The following MFN2 variants were observed in gnomAD, a reference collection of about 807,000 sequenced individuals.
MFN2 encodes the protein mitofusin-2.
In MFN2, 43 loss-of-function variants were observed where a neutral mutation model predicts 87.5. The ratio of observed to expected loss-of-function variants is 0.49; its 90% CI spans 0.38 to 0.63. The LOEUF is 0.63. MFN2 is among the 30% of genes least tolerant of loss of function. The pLI is 0.00. For synonymous variants in MFN2, 337 were observed against 359.9 expected (o/e 0.94, Z 0.72); for missense variants, 743 against 972.8 (o/e 0.76, Z 3.14).
At chr1:11,982,155 T>G (rs1327533232) in intron 2 of MFN2, 41 bp downstream of exon 2, 2 of 152,258 alleles carry the variant, frequency 1.3e-5, no homozygotes, top group African/African-American at 4.8e-5. Flanking sequence ...GGATTTGAGC[T>G]GAGTGGACAG....
Position 12,006,974 on chromosome 1 carries a change from A to G in MFN2, c.1873-79A>G, listed in dbSNP as rs764921080. 360 of 1,558,206 alleles carry G rather than the reference A, an allele frequency of 2.3e-4. No individual in the cohort carries two copies. The highest frequency in any genetic ancestry group is 2.8e-4 in the Non-Finnish European group (313 of 1,131,840). On this transcript the variant is annotated intron_variant, in intron 16 of 18. Transcript: ENST00000235329. ...AGGCTCCTTGGCTGGGGCCCTTCAGATGGCCCTGGTAGTGATGGGCCCCAG... is the reference window on the plus strand; with the variant it reads ...AGGCTCCTTGGCTGGGGCCCTTCAGGTGGCCCTGGTAGTGATGGGCCCCAG...
chr1:11,998,856 C>G lies in MFN2; in HGVS notation c.686C>G (p.Ser229Ter). 2 of 1,614,216 alleles carry G rather than the reference C, an allele frequency of 1.2e-6. No individual in the cohort carries two copies. Among genetic ancestry groups the G allele is most frequent in the Non-Finnish European group, 1.7e-6 (2 of 1,180,038 alleles). ...DADVFVLVAN[S>*]ESTLMQTEKH... ...GATGTGTTTGTGCTGGTGGCCAACTCAGAGTCCACCCTGATGCAGACGGTA... is the reference window on the plus strand; with the variant it reads ...GATGTGTTTGTGCTGGTGGCCAACTGAGAGTCCACCCTGATGCAGACGGTA... Residue 229 changes from serine to a stop codon, truncating the protein, a stop_gained, in exon 7 of 19, where the codon TCA becomes TGA. Coordinates refer to ENST00000235329, the MANE Select transcript of MFN2 (RefSeq NM_014874.4). LOFTEE classifies it high-confidence loss of function.
In MFN2 at chr1:12,012,915, C is replaced by T. The variant is rs1195467205; in HGVS notation, c.*1350C>T. 2 of 154,588 alleles carry T rather than the reference C, an allele frequency of 1.3e-5. No homozygotes were observed. The highest frequency in any genetic ancestry group is 4.8e-5 in the African/African-American group (2 of 41,492). The allele number at this position is 154,588 out of a possible 1,614,324, so 9.6% of individuals were successfully genotyped here. A position where few individuals can be genotyped will look rare whatever the true frequency, so the allele number is the denominator to read the frequency against. On this transcript the variant is annotated 3_prime_UTR_variant, in exon 19 of 19. Transcript: ENST00000235329. ...AAAAGCAGCCCACAAGGCAGGGGCC[C>T]AGCAGCCCAGCCATCACTCATCTTT...
chr1:12,001,109 C>G (rs1639150206), intron 8 of MFN2, among the ~76,000 whole-genome samples: 2 of 152,146 alleles, frequency 1.3e-5, no homozygotes, highest in Admixed American at 1.3e-4. Flanking sequence ...CCTCCAGGTT[C>G]AAGTGATTCT....
Position 12,011,641 on chromosome 1 carries a change from G to A in MFN2, c.*76G>A. On this transcript the variant is annotated 3_prime_UTR_variant, in exon 19 of 19. Coordinates refer to ENST00000235329, the MANE Select transcript of MFN2 (RefSeq NM_014874.4). ...AAGTGCCATGTGGGCTCCCCCAGGGGCACGTGTGGCTCCTGCCCCCTGGCC... is the reference window on the plus strand; with the variant it reads ...AAGTGCCATGTGGGCTCCCCCAGGGACACGTGTGGCTCCTGCCCCCTGGCC... 6.7e-7 allele frequency: 1 copy of A among 1,498,454 alleles called. No individual in the cohort carries two copies. The highest frequency in any genetic ancestry group is 1.1e-5 in the South Asian group (1 of 88,680). The allele number at this position is 1,498,454 out of a possible 1,614,324, so 92.8% of individuals were successfully genotyped here.
rs756517155 is a variant in MFN2, at chr1:12,006,692, TGGTCAGTGACCA to T, written c.1872+1_1872+12del. ...ATGGGCATTCTTGTTGTTGGAGGAG[TGGTCAGTGACCA>T]GTTCTGCTCGGGAAGGTGGGGGCGG... On this transcript the variant is annotated splice_donor_variant and splice_donor_5th_base_variant and coding_sequence_variant and intron_variant, in exon 16 of 19. Transcript: ENST00000235329. LOFTEE classifies it high-confidence loss of function. The T allele has an allele frequency of 6.2e-7, 1 of 1,609,578 alleles. No homozygotes were observed. The highest frequency in any genetic ancestry group is 8.5e-7 in the Non-Finnish European group (1 of 1,178,226).
chr1:12,011,746 C>T lies in MFN2; in HGVS notation c.*181C>T. ...ACTTATTTTCCCCCACCTTTGCCTG[C>T]TGTTGCTGGAAGAGCTGGCTCATAC... On this transcript the variant is annotated 3_prime_UTR_variant, in exon 19 of 19. Coordinates refer to ENST00000235329, the MANE Select transcript of MFN2 (RefSeq NM_014874.4). 2 of 660,254 alleles carry T rather than the reference C, an allele frequency of 3.0e-6. No homozygotes were observed. Among genetic ancestry groups the T allele is most frequent in the Non-Finnish European group, 5.3e-6 (2 of 376,846 alleles). 40.9% of individuals were successfully genotyped at this position (660,254 alleles called of 1,614,324 possible). A position where few individuals can be genotyped will look rare whatever the true frequency, so the allele number is the denominator to read the frequency against.
chr1:12,006,389 A>G, intron 15 of MFN2, 149 bp from the exon 16 acceptor site: 2 of 1,062,772 alleles, frequency 1.9e-6, no homozygotes, highest in Admixed American at 4.1e-5. Context: ...CTCCTCTGCT[A>G]CATCTGAAGC....
Position 12,011,518 on chromosome 1 carries a change from A to G in MFN2, c.2227A>G (p.Ser743Gly), listed in dbSNP as rs1553146561. The G allele has an allele frequency of 6.2e-7, 1 of 1,614,198 alleles. No homozygotes were observed. The highest frequency in any genetic ancestry group is 1.1e-5 in the South Asian group (1 of 91,084). ...LLRNKAGWLD[S>G]ELNMFTHQYL... is the part of the protein sequence containing the mutation. ...CAGGAATAAAGCCGGTTGGTTGGAC[A>G]GTGAGCTCAACATGTTCACACACCA... Residue 743 changes from serine (S) to glycine (G), a missense_variant, in exon 19 of 19, where the codon AGT becomes GGT. Physicochemically the swap from Ser to Gly is moderately conservative, Grantham distance 56 (BLOSUM62 0). Transcript: ENST00000235329.
At chr1:11,981,918 G>GTGTTTTT (rs1459768402) in intron 1 of MFN2, 52 bp from the exon 2 acceptor site, 2 of 66,818 alleles carry the variant, frequency 3.0e-5, no homozygotes, top group Non-Finnish European at 5.3e-5. Context: ...TTGTACACCA[G>GTGTTTTT]TGTTTTTTTT....
chr1:11,988,731 C>T (rs1157319484), intron 2 of MFN2, among the ~76,000 whole-genome samples: 1 of 151,650 alleles, frequency 6.6e-6, no homozygotes, highest in South Asian at 2.1e-4. Context: ...GACAAAATCT[C>T]GCCCTGTCAC....
At chr1:11,981,428 G>A (rs1259096345) in intron 1 of MFN2, among the ~76,000 whole-genome samples, 3 of 152,202 alleles carry the variant, frequency 2.0e-5, no homozygotes, top group Admixed American at 6.5e-5. Flanking sequence ...GCTTGAACCC[G>A]GGAGGCGGAG....
intron 18 of MFN2, among the ~76,000 whole-genome samples, chr1:12,010,931 C>A (rs1274808665): frequency 6.6e-6 from 1 of 152,164 alleles, no homozygotes; most frequent in Non-Finnish European, 1.5e-5. Context: ...TCAGAGTCTG[C>A]AGGGTGGCAG....
At chr1:11,997,469 G>T (rs377343002) in intron 6 of MFN2, 48 bp downstream of exon 6, 8 of 1,612,014 alleles carry the variant, frequency 5.0e-6, no homozygotes, top group Non-Finnish European at 5.9e-6. Context: ...AAGGCACCAG[G>T]TTTCCATTTC....
At chr1:11,985,503 G>C (rs1413425992) in intron 2 of MFN2, among the ~76,000 whole-genome samples, 16 of 119,558 alleles carry the variant, frequency 1.3e-4, no homozygotes, top group African/African-American at 4.7e-4. Flanking sequence ...ACTTCGCTCT[G>C]TCACCCAGGC....
At chr1:12,001,155 C>T (rs1273113542) in intron 8 of MFN2, among the ~76,000 whole-genome samples, 9 of 152,152 alleles carry the variant, frequency 5.9e-5, no homozygotes, top group African/African-American at 2.2e-4. Flanking sequence ...GGATTACAGG[C>T]GCCTGCCACC....
At chr1:12,010,851 C>G (rs1444338875) in intron 18 of MFN2, among the ~76,000 whole-genome samples, 2 of 151,974 alleles carry the variant, frequency 1.3e-5, no homozygotes, top group Admixed American at 6.6e-5. Flanking sequence ...CTGCAGAAGT[C>G]CTCGGCCTGC....
intron 17 of MFN2, among the ~76,000 whole-genome samples, chr1:12,009,073 G>C (rs79752140): frequency 6.6e-6 from 1 of 152,170 alleles, no homozygotes; most frequent in Non-Finnish European, 1.5e-5. Flanking sequence ...GGCGGCGCGC[G>C]CCTGCAGTCG....
At position 12,004,046 on chromosome 1, in the gene MFN2, C is replaced by G; in HGVS notation, c.1215C>G (p.Asp405Glu). 1 of 1,614,210 alleles carries G rather than the reference C, an allele frequency of 6.2e-7. No homozygotes were observed. Among genetic ancestry groups the G allele is most frequent in the Non-Finnish European group, 8.5e-7 (1 of 1,180,036 alleles). Reference protein sequence around the residue: ...EERQDRLKFIDKQLELLAQDY... With the variant: ...EERQDRLKFIEKQLELLAQDY... ...GGCAAGACCGACTGAAATTTATTGA[C>G]AAACAGCTGGAGCTCTTGGCTCAAG... The change falls in exon 12 of 19, where the codon GAC (aspartate) becomes GAG (glutamate). Residue 405 changes from aspartate to glutamate, a missense_variant. This residue lies in a region of MFN2 where 571 missense variants were observed against 670.7 expected (regional missense o/e 0.85). Coordinates refer to ENST00000235329, the MANE Select transcript of MFN2 (RefSeq NM_014874.4). This position sits in a 1 kb window ranked among gnomAD's most constrained non-coding sequence, Gnocchi z 4.2.
Sources: allele counts gnomAD v4.1 joint callset (sites outside exome capture counted in the v4.1 genomes callset), GRCh38; gene constraint gnomAD v4.1.1; regional missense constraint gnomAD v4.1.1; non-coding constraint Gnocchi (gnomAD v3.1); transcripts MANE v1.5; gene names NCBI Gene and HGNC (gene_info 2026-07-23, HGNC 2026-07-21).